ADGRG7: variants seen among roughly 807,000 people sequenced by gnomAD.
ADGRG7 encodes adhesion G protein-coupled receptor G7.
A neutral mutation model predicts 88.6 loss-of-function variants in ADGRG7; 82 were observed. The observed-to-expected ratio is 0.93, with a 90% CI of 0.77 to 1.11. The LOEUF (loss-of-function observed/expected upper bound fraction) is 1.11, where lower values mean the gene tolerates loss of function less well. Ranked by LOEUF, ADGRG7 falls within the 50% of genes most tolerant of loss-of-function variation. The pLI, the probability that ADGRG7 is intolerant of heterozygous loss-of-function variation, is 0.00. For synonymous variants in ADGRG7, 381 were observed against 345.2 expected, an observed-to-expected ratio of 1.10 and a Z score of -1.15; for missense variants, 945 against 953.4, an observed-to-expected ratio of 0.99 and a Z score of 0.12.
chr3:100,644,174 AT>A (rs1374018403), intron 8 of ADGRG7, among the ~76,000 whole-genome samples: 1 of 114,566 alleles, frequency 8.7e-6, no homozygotes, highest in Non-Finnish European at 1.9e-5. Flanking sequence ...AAGTGGTTGT[AT>A]TTTTCAAAAT....
intron 6 of ADGRG7, among the ~76,000 whole-genome samples, chr3:100,642,346 G>T (rs1707654898): frequency 6.6e-6 from 1 of 152,178 alleles, no homozygotes; most frequent in Non-Finnish European, 1.5e-5. Context: ...ATTTCAATCA[G>T]AGGATCTAAC....
intron 10 of ADGRG7, among the ~76,000 whole-genome samples, chr3:100,649,238 A>G (rs1484360697): frequency 6.6e-6 from 1 of 152,248 alleles, no homozygotes; most frequent in Non-Finnish European, 1.5e-5. Flanking sequence ...ATTGTTTTCA[A>G]TAAAAAAGTC....
At chr3:100,671,237 G>A (rs1336408865) in intron 15 of ADGRG7, among the ~76,000 whole-genome samples, 62 of 152,188 alleles carry the variant, frequency 4.1e-4, no homozygotes, top group Non-Finnish European at 7.4e-5. Flanking sequence ...TCTAATGATC[G>A]CCATTCTAAT....
chr3:100,626,256 A>G (rs1409872715), intron 1 of ADGRG7, among the ~76,000 whole-genome samples: 1 of 152,080 alleles, frequency 6.6e-6, no homozygotes, highest in East Asian at 1.9e-4. Flanking sequence ...TGTGTCCAGG[A>G]ATTTATCCAT....
chr3:100,683,415 A>C (rs533824814), intron 15 of ADGRG7, among the ~76,000 whole-genome samples: 1 of 152,296 alleles, frequency 6.6e-6, no homozygotes, highest in South Asian at 2.1e-4. Context: ...GGTGTCACCA[A>C]GCTTCTGGGT....
chr3:100,622,815 G>A (rs1707333441), intron 1 of ADGRG7, among the ~76,000 whole-genome samples: 2 of 151,812 alleles, frequency 1.3e-5, no homozygotes, highest in South Asian at 2.1e-4. Context: ...AGGCTGGAGT[G>A]CAGTGGCATG....
chr3:100,646,149 T>C, intron 9 of ADGRG7, 41 bp downstream of exon 9: 2 of 1,509,372 alleles, frequency 1.3e-6, no homozygotes, highest in Non-Finnish European at 1.8e-6. Context: ...AGTGTCCTCA[T>C]GCTTTCTTTC....
chr3:100,628,987 C>T (rs1377692278), intron 1 of ADGRG7, among the ~76,000 whole-genome samples: 1 of 152,108 alleles, frequency 6.6e-6, no homozygotes, highest in Non-Finnish European at 1.5e-5. Context: ...TATAAAGTCC[C>T]TTCCAATTGA....
intron 8 of ADGRG7, among the ~76,000 whole-genome samples, chr3:100,645,715 A>G (rs1707732498): frequency 6.6e-6 from 1 of 152,108 alleles, no homozygotes; most frequent in Non-Finnish European, 1.5e-5. Context: ...TGTAGAAGGT[A>G]AGGAAACTGA....
At chr3:100,653,482 T>C (rs542256946) in intron 11 of ADGRG7, among the ~76,000 whole-genome samples, 4 of 152,340 alleles carry the variant, frequency 2.6e-5, no homozygotes, top group South Asian at 4.1e-4. Context: ...TTTTCTATTA[T>C]AAAAATTTTA....
At chr3:100,694,073 C>T (rs928276468) in intron 15 of ADGRG7, among the ~76,000 whole-genome samples, 4 of 152,106 alleles carry the variant, frequency 2.6e-5, no homozygotes, top group African/African-American at 9.7e-5. Flanking sequence ...CTTTAGTTTC[C>T]TTATCTGAAA....
intron 15 of ADGRG7, among the ~76,000 whole-genome samples, chr3:100,680,790 A>T (rs924317917): frequency 2.6e-5 from 4 of 152,176 alleles, no homozygotes; most frequent in Non-Finnish European, 5.9e-5. Flanking sequence ...ACATCTGCAT[A>T]CATTACAAAA....
intron 10 of ADGRG7, among the ~76,000 whole-genome samples, chr3:100,647,929 GAA>G (rs1707782869): frequency 6.6e-6 from 1 of 152,164 alleles, no homozygotes; most frequent in Admixed American, 6.5e-5. Flanking sequence ...TCAAAGCACA[GAA>G]CCTTGCTTTT....
intron 10 of ADGRG7, among the ~76,000 whole-genome samples, chr3:100,647,078 A>G (rs982607070): frequency 7.9e-5 from 12 of 152,090 alleles, no homozygotes; most frequent in African/African-American, 2.9e-4. Context: ...AATCGCTTGA[A>G]CCTGGGAGAC....
intron 4 of ADGRG7, chr3:100,635,408 C>T (rs1707522527): frequency 7.7e-6 from 3 of 391,872 alleles, no homozygotes; most frequent in Admixed American, 4.4e-5. Flanking sequence ...CAGCGCTGGC[C>T]CATGGATACA....
chr3:100,624,676 A>C (rs1297275593), intron 1 of ADGRG7, among the ~76,000 whole-genome samples: 2 of 152,162 alleles, frequency 1.3e-5, no homozygotes, highest in South Asian at 2.1e-4. Flanking sequence ...TGAGTTTTAC[A>C]TTAAAGTCTT....
chr3:100,635,864 A>G (rs1434400383), intron 5 of ADGRG7, 38 bp downstream of exon 5: 2 of 1,483,792 alleles, frequency 1.3e-6, no homozygotes, highest in African/African-American at 2.9e-5. Context: ...TTTTTTTTTT[A>G]TTTTTAGAGG....
intron 1 of ADGRG7, among the ~76,000 whole-genome samples, chr3:100,627,501 C>G (rs1034515731): frequency 6.6e-6 from 1 of 151,988 alleles, no homozygotes; most frequent in African/African-American, 2.4e-5. Context: ...TCTGTGTAAA[C>G]GTGATTTATT....
intron 1 of ADGRG7, among the ~76,000 whole-genome samples, chr3:100,616,562 C>A (rs1259581996): frequency 6.6e-6 from 1 of 152,088 alleles, no homozygotes; most frequent in Non-Finnish European, 1.5e-5. Flanking sequence ...CCTGTATTCC[C>A]AGCATTTGGG....
Sources: allele counts gnomAD v4.1 joint callset (sites outside exome capture counted in the v4.1 genomes callset), GRCh38; gene constraint gnomAD v4.1.1; transcripts MANE v1.5; gene names NCBI Gene and HGNC (gene_info 2026-07-23, HGNC 2026-07-21).